OSBPL1A: variants seen among roughly 807,000 people sequenced by gnomAD.
OSBPL1A encodes oxysterol binding protein like 1A.
OSBPL1A carries 80 observed loss-of-function variants against 137.1 expected under a neutral mutation model. That is an observed-to-expected ratio of 0.58 (90% confidence interval 0.49 to 0.70). OSBPL1A has a LOEUF of 0.70. Among genes scored for constraint, OSBPL1A ranks in the 30% least tolerant of loss-of-function variants. The probability of loss-of-function intolerance (pLI) is 0.00; values close to 1 mark genes in which losing one functional copy is unlikely to be tolerated. For missense variants in OSBPL1A, 970 were observed against 1,129.4 expected (o/e 0.86, Z 2.02); for synonymous variants, 365 against 389.7 (o/e 0.94, Z 0.75).
intron 4 of OSBPL1A, among the ~76,000 whole-genome samples, chr18:24,365,156 G>A (rs1048676567): frequency 5.3e-5 from 8 of 151,882 alleles, no homozygotes; most frequent in Non-Finnish European, 7.4e-5. Context: ...AACAAAAGAT[G>A]GTGTATCCAT....
chr18:24,366,631 T>C (rs1680621577), intron 4 of OSBPL1A: 1 of 356,108 alleles, frequency 2.8e-6, no homozygotes, highest in Admixed American at 4.7e-5. Flanking sequence ...AATCAGGAGT[T>C]CCCCATTGCT....
chr18:24,304,564 C>G (rs2090464995), intron 13 of OSBPL1A, among the ~76,000 whole-genome samples: 1 of 152,034 alleles, frequency 6.6e-6, no homozygotes. Context: ...GAATCTTGAC[C>G]TTATAAACAA....
intron 4 of OSBPL1A, among the ~76,000 whole-genome samples, chr18:24,365,948 A>C (rs1227583621): frequency 1.3e-5 from 2 of 152,094 alleles, no homozygotes; most frequent in Non-Finnish European, 2.9e-5. Flanking sequence ...CCTTCAATTC[A>C]ATTCCAACAC....
intron 17 of OSBPL1A, among the ~76,000 whole-genome samples, chr18:24,222,809 A>ATT (rs113247090): frequency 0.13 from 20,115 of 152,060 alleles, 2,939 homozygotes; most frequent in African/African-American, 0.37. Context: ...AAAAATACAC[A>ATT]GTCTCTCTTT....
intron 2 of OSBPL1A, among the ~76,000 whole-genome samples, chr18:24,377,134 A>G (rs1330646166): frequency 6.6e-6 from 1 of 152,230 alleles, no homozygotes; most frequent in African/African-American, 2.4e-5. Context: ...GACTGCCAGC[A>G]CGCTGTCACC....
intron 15 of OSBPL1A, among the ~76,000 whole-genome samples, chr18:24,252,402 A>G (rs2089122880): frequency 5.3e-5 from 8 of 152,184 alleles, no homozygotes; most frequent in Admixed American, 5.2e-4. Flanking sequence ...CTTACCAGCC[A>G]GAAGAGAGTG....
chr18:24,283,973 T>C (rs966417320), intron 14 of OSBPL1A, among the ~76,000 whole-genome samples: 3 of 152,104 alleles, frequency 2.0e-5, no homozygotes, highest in Non-Finnish European at 4.4e-5. Flanking sequence ...TGTATATATA[T>C]ATATAAAGAA....
intron 1 of OSBPL1A, among the ~76,000 whole-genome samples, chr18:24,379,352 T>C (rs1906417879): frequency 6.6e-6 from 1 of 152,042 alleles, no homozygotes; most frequent in Middle Eastern, 3.4e-3. Flanking sequence ...AAACCCCAAC[T>C]CTACTAAAAA....
At chr18:24,384,885 A>G (rs1906843462) in intron 1 of OSBPL1A, among the ~76,000 whole-genome samples, 1 of 151,884 alleles carries the variant, frequency 6.6e-6, no homozygotes, top group South Asian at 2.1e-4. Flanking sequence ...AAAAAAAAAA[A>G]AGAAAAAAGA....
chr18:24,293,104 CAAA>C (rs1172730345), intron 14 of OSBPL1A, among the ~76,000 whole-genome samples: 37 of 66,378 alleles, frequency 5.6e-4, no homozygotes, highest in African/African-American at 1.8e-3. Context: ...ACTCCCGTCT[CAAA>C]AAAAAAAAAA....
At chr18:24,203,769 GC>G (rs2087289669) in intron 17 of OSBPL1A, among the ~76,000 whole-genome samples, 2 of 152,154 alleles carry the variant, frequency 1.3e-5, no homozygotes, top group Admixed American at 1.3e-4. Flanking sequence ...AAAGGGGTGT[GC>G]TGCCCTTCAT....
chr18:24,244,932 T>C (rs2088836644), intron 15 of OSBPL1A, among the ~76,000 whole-genome samples: 1 of 152,194 alleles, frequency 6.6e-6, no homozygotes. Flanking sequence ...CAGAACACTG[T>C]GTGCAATCAG....
chr18:24,349,010 T>G (rs1182279365), intron 4 of OSBPL1A, among the ~76,000 whole-genome samples: 1 of 150,424 alleles, frequency 6.6e-6, no homozygotes, highest in East Asian at 2.0e-4. Context: ...CTACAACAAA[T>G]TTAAAAATCA....
intron 1 of OSBPL1A, among the ~76,000 whole-genome samples, chr18:24,385,631 G>A (rs982726485): frequency 3.9e-5 from 6 of 152,088 alleles, no homozygotes; most frequent in African/African-American, 1.4e-4. Flanking sequence ...GGATGGGTAC[G>A]AAAGAAAGGG....
In OSBPL1A at chr18:24,303,617, G is replaced by T; in HGVS notation, c.1174+20C>A. On this transcript the variant is annotated intron_variant, in intron 14 of 27. Transcript: ENST00000319481. ...CTATGTGTTAAAGAGTGATTGTAGGGATAGTGCTTGTCTTTTTACCTTTAG... is the reference window on the plus strand; with the variant it reads ...CTATGTGTTAAAGAGTGATTGTAGGTATAGTGCTTGTCTTTTTACCTTTAG... The T allele has an allele frequency of 6.3e-7, 1 of 1,588,074 alleles. No individual in the cohort carries two copies. The highest frequency in any genetic ancestry group is 2.2e-5 in the East Asian group (1 of 44,614).
At chr18:24,197,727 AAT>A (rs2087075873) in intron 17 of OSBPL1A, among the ~76,000 whole-genome samples, 1 of 152,042 alleles carries the variant, frequency 6.6e-6, no homozygotes, top group South Asian at 2.1e-4. Flanking sequence ...TTGCATGTAT[AAT>A]ATAGTTTTAG....
intron 4 of OSBPL1A, among the ~76,000 whole-genome samples, chr18:24,354,522 C>G (rs2091497917): frequency 6.6e-6 from 1 of 151,990 alleles, no homozygotes; most frequent in Non-Finnish European, 1.5e-5. Context: ...TGGAAGTAAC[C>G]ATAGCAACAG....
intron 22 of OSBPL1A, 77 bp downstream of exon 22, chr18:24,172,299 A>G: frequency 9.1e-7 from 1 of 1,099,984 alleles, no homozygotes; most frequent in South Asian, 1.3e-5. Flanking sequence ...AAAAACAAAC[A>G]AAACAAAAAA....
intron 27 of OSBPL1A, among the ~76,000 whole-genome samples, chr18:24,164,425 T>G (rs1003712378): frequency 4.5e-5 from 6 of 132,916 alleles, no homozygotes; most frequent in East Asian, 4.4e-4. Context: ...TTTTGGTTTT[T>G]TTTTTTTTTT....
Sources: gnomAD v4.1 joint callset for allele counts (sites outside exome capture counted in the v4.1 genomes callset) on GRCh38, gnomAD v4.1.1 for gene constraint, MANE v1.5 for transcripts, NCBI Gene and HGNC (gene_info 2026-07-23, HGNC 2026-07-21) for gene names.